TCTN3: variants seen among roughly 807,000 people sequenced by gnomAD.
TCTN3 encodes tectonic-3.
In TCTN3, 57 loss-of-function variants were observed where a neutral mutation model predicts 71.3. The ratio of observed to expected loss-of-function variants is 0.80; its 90% CI spans 0.65 to 1.00. TCTN3 has a LOEUF of 1.00. Among genes scored for constraint, TCTN3 ranks in the 50% least tolerant of loss-of-function variants. The pLI is 0.00. For missense variants in TCTN3, 696 were observed against 719.9 expected (o/e 0.97, Z 0.38); for synonymous variants, 258 against 267.8 (o/e 0.96, Z 0.36).
chr10:95,693,838 C>G lies in TCTN3; in HGVS notation c.62G>C (p.Arg21Pro). 6.4e-7 allele frequency: 1 copy of G among 1,551,686 alleles called. No individual in the cohort carries two copies. Among genetic ancestry groups the G allele is most frequent in the Non-Finnish European group, 8.7e-7 (1 of 1,146,998 alleles). ...TGATGGGGAGGAAGAGGGCTGAGGC[C>G]GGACGCCATCGGGGAACACCAGAAA... ...VFFLVFPDGV[R>P]PQPSSSPSGA... Residue 21 changes from arginine (R) to proline (P), a missense_variant, in exon 1 of 14, where the codon CGG (arginine) becomes CCG (proline). By Grantham distance (103) the Arg-to-Pro change is moderately radical. Transcript: ENST00000371217.
In TCTN3 at chr10:95,693,340, C is replaced by G; in HGVS notation, c.380+13G>C. 6.4e-7 allele frequency: 1 copy of G among 1,551,750 alleles called. No individual in the cohort carries two copies. Among genetic ancestry groups the G allele is most frequent in the African/African-American group, 1.4e-5 (1 of 73,186 alleles). Reference sequence around the variant, plus strand: ...AAACCCCTTTAGGATTCAGTCTGAGCAACGAAGCTCACCTTACGCTGCCTG... The same window carrying G: ...AAACCCCTTTAGGATTCAGTCTGAGGAACGAAGCTCACCTTACGCTGCCTG... On this transcript the variant is annotated intron_variant, in intron 2 of 13. Coordinates refer to ENST00000371217, the MANE Select transcript of TCTN3 (RefSeq NM_015631.6).
intron 8 of TCTN3, 51 bp from the exon 9 acceptor site, chr10:95,684,675 T>C: frequency 1.3e-6 from 2 of 1,591,734 alleles, no homozygotes; most frequent in East Asian, 2.2e-5. Context: ...GGGCCGAATA[T>C]GTTTAGGACA....
intron 7 of TCTN3, among the ~76,000 whole-genome samples, chr10:95,686,111 C>G (rs1378865589): frequency 6.6e-6 from 1 of 152,150 alleles, no homozygotes; most frequent in East Asian, 1.9e-4. Context: ...GTCTATAGTC[C>G]CAGCTACTTG....
intron 8 of TCTN3, among the ~76,000 whole-genome samples, 186 bp downstream of exon 8, chr10:95,685,370 A>T (rs747936033): frequency 1.3e-5 from 2 of 152,270 alleles, no homozygotes; most frequent in Non-Finnish European, 2.9e-5. Context: ...TGAAATTCAC[A>T]ATATGCTACT....
intron 12 of TCTN3, among the ~76,000 whole-genome samples, 164 bp from the exon 13 acceptor site, chr10:95,680,773 C>G (rs1157361797): frequency 1.4e-5 from 2 of 146,992 alleles, no homozygotes; most frequent in East Asian, 4.2e-4. Flanking sequence ...GTTATTATTC[C>G]TGATCTTTTT....
At chr10:95,680,718 C>CA in intron 12 of TCTN3, 109 bp from the exon 13 acceptor site, 1 of 1,304,328 alleles carries the variant, frequency 7.7e-7, no homozygotes, top group Non-Finnish European at 1.0e-6. Context: ...ATAAGGAAGG[C>CA]AATGTAGCTT....
intron 3 of TCTN3, 101 bp from the exon 4 acceptor site, chr10:95,687,820 C>A (rs1341841914): frequency 7.3e-7 from 1 of 1,365,274 alleles, no homozygotes; most frequent in Non-Finnish European, 9.8e-7. Flanking sequence ...ATACAGGGTG[C>A]AAATCTTAAG....
chr10:95,683,602 G>T lies in TCTN3; in HGVS notation c.1123C>A (p.Leu375Ile). 6.2e-7 allele frequency: 1 copy of T among 1,613,996 alleles called. No homozygotes were observed. Among genetic ancestry groups the T allele is most frequent in the South Asian group, 1.1e-5 (1 of 91,042 alleles). The change falls in exon 10 of 14, where the codon CTC becomes ATC. Residue 375 changes from leucine to isoleucine, a missense_variant. By Grantham distance (5) the Leu-to-Ile change is conservative. Coordinates refer to ENST00000371217, the MANE Select transcript of TCTN3 (RefSeq NM_015631.6). ...RAFQQSTAAS[L>I]TSPRSGNPGY... is the part of the protein sequence containing the mutation. ...GGATTCCCACTTCTAGGACTGGTGA[G>T]AGAAGCAGCTGTGCTCTGTTGAAAA...
At chr10:95,689,096 CT>C (rs2139754651) in intron 3 of TCTN3, among the ~76,000 whole-genome samples, 1 of 152,266 alleles carries the variant, frequency 6.6e-6, no homozygotes, top group South Asian at 2.1e-4. Context: ...GACTTTTCAG[CT>C]TGCTGAAAAG....
At chr10:95,680,001 G>A (rs954874849) in intron 13 of TCTN3, among the ~76,000 whole-genome samples, 2 of 152,210 alleles carry the variant, frequency 1.3e-5, no homozygotes, top group Non-Finnish European at 2.9e-5. Context: ...ATAAACAATA[G>A]GTATATGTTT....
At chr10:95,693,069 T>A (rs780973207) in intron 2 of TCTN3, 31 bp from the exon 3 acceptor site, 1 of 1,538,694 alleles carries the variant, frequency 6.5e-7, no homozygotes, top group Non-Finnish European at 8.9e-7. Context: ...GAAGATATAT[T>A]TAGAAGGGGC....
In TCTN3 at chr10:95,664,071, A is replaced by G. The variant is rs2139691127; in HGVS notation, c.1820T>C (p.Met607Thr). ...LLLGVLNLET[M>T] ...AATCTGATTATTTTCTTTTCTTCAC[A>G]TAGTCTCTAGGTTGAGAACTCCAAG... Residue 607 changes from methionine (M) to threonine (T), a missense_variant, in exon 14 of 14, where the codon ATG (methionine) becomes ACG (threonine). Physicochemically the swap from Met to Thr is moderately conservative, Grantham distance 81. Coordinates refer to ENST00000371217, the MANE Select transcript of TCTN3 (RefSeq NM_015631.6). 11 of 1,613,586 alleles carry G rather than the reference A, an allele frequency of 6.8e-6. No individual in the cohort carries two copies. Among genetic ancestry groups the G allele is most frequent in the Non-Finnish European group, 9.3e-6 (11 of 1,179,560 alleles).
chr10:95,688,689 C>G (rs966796364), intron 3 of TCTN3, among the ~76,000 whole-genome samples: 1 of 152,132 alleles, frequency 6.6e-6, no homozygotes, highest in Admixed American at 6.5e-5. Flanking sequence ...TTCCTCCATT[C>G]AAGATTTTAG....
At chr10:95,683,770 G>A (rs1386035826) in intron 9 of TCTN3, 141 bp from the exon 10 acceptor site, 2 of 582,582 alleles carry the variant, frequency 3.4e-6, no homozygotes, top group African/African-American at 3.7e-5. Flanking sequence ...TCTTTCCACA[G>A]TGTAGCATTT....
At chr10:95,670,344 CTTTATTTTATT>C (rs546693529) in intron 13 of TCTN3, among the ~76,000 whole-genome samples, 1,156 of 64,206 alleles carry the variant, frequency 0.018, 15 homozygotes, top group African/African-American at 0.045. Context: ...TATTGACCTA[CTTTATTTTATT>C]TTTATTTTTA....
At chr10:95,681,901 A>G (rs1276031153) in intron 12 of TCTN3, among the ~76,000 whole-genome samples, 1 of 152,236 alleles carries the variant, frequency 6.6e-6, no homozygotes, top group African/African-American at 2.4e-5. Flanking sequence ...CTAACCTGAA[A>G]TAACTACTTC....
intron 13 of TCTN3, among the ~76,000 whole-genome samples, chr10:95,672,393 T>C (rs2097932559): frequency 6.6e-6 from 1 of 152,132 alleles, no homozygotes; most frequent in Non-Finnish European, 1.5e-5. Context: ...TTGGGGCATA[T>C]GTTTTAATGT....
In TCTN3 at chr10:95,693,683, G is replaced by A. The variant is rs1305132410; in HGVS notation, c.217C>T (p.Pro73Ser). 3 of 1,551,590 alleles carry A rather than the reference G, an allele frequency of 1.9e-6. No individual in the cohort carries two copies. The highest frequency in any genetic ancestry group is 4.9e-5 in the East Asian group (2 of 40,928). The change falls in exon 1 of 14, where the codon CCC (proline) becomes TCC (serine). Residue 73 changes from proline (P) to serine (S), a missense_variant. Transcript: ENST00000371217. ...LPTVVPTLVT[P>S]SAPGNRTVDL... is the part of the protein sequence containing the mutation. ...ACAGTCCTATTCCCAGGGGCCGAGG[G>A]AGTCACGAGAGTAGGGACCACTGTA... is the stretch of plus-strand genomic sequence containing the variant.
At chr10:95,688,252 T>C (rs1012925862) in intron 3 of TCTN3, among the ~76,000 whole-genome samples, 14 of 151,420 alleles carry the variant, frequency 9.2e-5, no homozygotes, top group Non-Finnish European at 1.5e-4. Flanking sequence ...TAGCCGGACA[T>C]GGTGGCAGGC....
Sources: gnomAD v4.1 joint callset for allele counts (sites outside exome capture counted in the v4.1 genomes callset) on GRCh38, gnomAD v4.1.1 for gene constraint, MANE v1.5 for transcripts, NCBI Gene and HGNC (gene_info 2026-07-23, HGNC 2026-07-21) for gene names.